AHRR: variants seen among roughly 807,000 people sequenced by gnomAD.
AHRR encodes the protein ahR repressor.
Under a neutral mutation model 44.0 loss-of-function variants are expected in AHRR, and 28 were observed. That is an observed-to-expected ratio of 0.64 (90% CI 0.47 to 0.87). AHRR has a LOEUF of 0.87. Ranked by LOEUF, AHRR falls within the 40% of genes least tolerant of loss-of-function variation. The probability of loss-of-function intolerance (pLI) is 0.00; values close to 1 mark genes in which losing one functional copy is unlikely to be tolerated. For missense variants in AHRR, 990 were observed against 953.9 expected, an observed-to-expected ratio of 1.04 and a Z score of -0.50; for synonymous variants, 434 against 407.0, an observed-to-expected ratio of 1.07 and a Z score of -0.80.
chr5:344,438 G>T (rs1742502428), intron 2 of AHRR, among the ~76,000 whole-genome samples: 1 of 31,036 alleles, frequency 3.2e-5, no homozygotes, highest in South Asian at 1.2e-3. Flanking sequence ...TGAGGCTGTG[G>T]GGGGCTGTGT....
chr5:355,864 G>A (rs1019080153), intron 3 of AHRR, among the ~76,000 whole-genome samples: 1 of 152,230 alleles, frequency 6.6e-6, no homozygotes, highest in African/African-American at 2.4e-5. Context: ...TAAACTTCCT[G>A]ATTTTTCTAC....
intron 4 of AHRR, among the ~76,000 whole-genome samples, chr5:378,534 G>A (rs925274584): frequency 6.6e-6 from 1 of 152,378 alleles, no homozygotes; most frequent in East Asian, 1.9e-4. Context: ...TCACTGGCTT[G>A]TCCTCCAAGC....
chr5:433,844 T>C lies in AHRR; in HGVS notation c.1113-9T>C. On this transcript the variant is annotated splice_polypyrimidine_tract_variant and intron_variant, in intron 10 of 10. Transcript: ENST00000684583. The stretch of plus-strand genomic sequence containing the variant: ...CTGCTGTCAAATGGGCCCCGTCTTT[T>C]CTCTGCAGGGACAGGGAGGAGGAGC... 1 of 1,484,710 alleles carries C rather than the reference T, an allele frequency of 6.7e-7. No individual in the cohort carries two copies. The highest frequency in any genetic ancestry group is 1.4e-5 in the South Asian group (1 of 70,746). The allele number at this position is 1,484,710 out of a possible 1,614,324, so 92.0% of individuals were successfully genotyped here. A position where few individuals can be genotyped will look rare whatever the true frequency, so the allele number is the denominator to read the frequency against.
In AHRR at chr5:433,996, G is replaced by C; in HGVS notation, c.1256G>C (p.Ser419Thr). 6.3e-7 allele frequency: 1 copy of C among 1,575,790 alleles called. No individual in the cohort carries two copies. The highest frequency in any genetic ancestry group is 1.2e-5 in the South Asian group (1 of 83,444). The change falls in exon 11 of 11, where the codon AGC becomes ACC. Residue 419 changes from serine (S) to threonine (T), a missense_variant. Physicochemically the swap from Ser to Thr is moderately conservative, Grantham distance 58. Transcript: ENST00000684583. ...EDGARPRLQP[S>T]KNDPPSLRPM... Reference sequence around the variant, plus strand: ...GGTGCCAGGCCGAGGCTGCAGCCCAGCAAGAATGACCCGCCCTCCCTGCGC... The same window carrying C: ...GGTGCCAGGCCGAGGCTGCAGCCCACCAAGAATGACCCGCCCTCCCTGCGC...
chr5:420,959 C>T (rs1250684214), intron 5 of AHRR: 4 of 227,622 alleles, frequency 1.8e-5, no homozygotes, highest in Non-Finnish European at 3.2e-5. Flanking sequence ...CGCACATACG[C>T]TGGCACCGCT....
At chr5:427,530 G>A in intron 7 of AHRR, 1 of 1,350,972 alleles carries the variant, frequency 7.4e-7, no homozygotes, top group Non-Finnish European at 1.0e-6. Context: ...ACATGAACAG[G>A]CACACACGCG....
At chr5:345,746 C>T (rs745934034) in intron 2 of AHRR, among the ~76,000 whole-genome samples, 1 of 152,050 alleles carries the variant, frequency 6.6e-6, no homozygotes, top group Non-Finnish European at 1.5e-5. Flanking sequence ...GTGTCAAATG[C>T]TTGGCCTTAG....
chr5:354,592 C>T (rs370483473), intron 3 of AHRR, among the ~76,000 whole-genome samples: 5 of 152,326 alleles, frequency 3.3e-5, no homozygotes, highest in Admixed American at 1.3e-4. Context: ...CCAGAGAACT[C>T]GCAGGTGTAG....
chr5:349,478 G>A (rs1298979553), intron 2 of AHRR, among the ~76,000 whole-genome samples: 2 of 151,946 alleles, frequency 1.3e-5, no homozygotes, highest in African/African-American at 2.4e-5. Flanking sequence ...TACTCGGGAG[G>A]CTGAGGCAGG....
In AHRR at chr5:419,551, G is replaced by A. The variant is rs1490172240; in HGVS notation, c.442-3178G>A. Among the ~76,000 whole-genome samples the A allele has an allele frequency of 6.6e-6, 1 of 152,160 alleles. No individual in the cohort carries two copies. Among genetic ancestry groups the A allele is most frequent in the Non-Finnish European group, 1.5e-5 (1 of 68,032 alleles). ...GTAAGGGGAATGTTGCTTGCCTCTG[G>A]ATGCTGGTTCCTCTGCGTTTCACTT... On this transcript the variant is annotated intron_variant, in intron 5 of 10. Transcript: ENST00000684583. This position sits in a 1 kb window ranked among gnomAD's most constrained non-coding sequence, Gnocchi z 4.4.
chr5:388,710 G>A lies in AHRR; in HGVS notation c.351+11994G>A, dbSNP rs1452976700. 2.6e-5 allele frequency among the ~76,000 whole-genome samples: 4 copies of A among 152,128 alleles called. No individual in the cohort carries two copies. Among genetic ancestry groups the A allele is most frequent in the Non-Finnish European group, 2.9e-5 (2 of 68,010 alleles). On this transcript the variant is annotated intron_variant, in intron 4 of 10. Transcript: ENST00000684583. The surrounding 1 kb of genome is among the most constrained non-coding windows in gnomAD (Gnocchi z 5.2). ...GCACCGTCCTCCCATTGGCCAGGAC[G>A]AGGACTAAGCTGTGACCCCTCTGGG... is the stretch of plus-strand genomic sequence containing the variant.
chr5:349,962 C>G lies in AHRR; in HGVS notation c.63-3768C>G, dbSNP rs148387260. On this transcript the variant is annotated intron_variant, in intron 2 of 10. Transcript: ENST00000684583. ...AGTGTGTCTATTTCTAGACTCACAC[C>G]ATTCTTTTCTATTCATTTATACTTC... Among the ~76,000 whole-genome samples the G allele has an allele frequency of 2.9e-3, 434 of 152,224 alleles. 2 individuals are homozygous for G. The highest frequency in any genetic ancestry group is 9.9e-3 in the African/African-American group (413 of 41,532).
intron 4 of AHRR, among the ~76,000 whole-genome samples, chr5:394,765 G>C (rs557421693): frequency 3.3e-5 from 5 of 152,378 alleles, no homozygotes; most frequent in Middle Eastern, 3.4e-3. Flanking sequence ...GGACAGGGCT[G>C]GCCCTGGTTG....
rs1734681122 is a variant in AHRR at position 395,884 on chromosome 5, C to T, written c.352-17460C>T. Among the ~76,000 whole-genome samples, 2 of 152,216 alleles carry T rather than the reference C, an allele frequency of 1.3e-5. No homozygotes were observed. Among genetic ancestry groups the T allele is most frequent in the Admixed American group, 6.5e-5 (1 of 15,284 alleles). The stretch of plus-strand genomic sequence containing the variant: ...AGCAAAAGGGATGAGCGTCCCCTTC[C>T]TCCAGCTTCCTCCATGCAGTGATGT... On this transcript the variant is annotated intron_variant, in intron 4 of 10. Transcript: ENST00000684583. This position sits in a 1 kb window ranked among gnomAD's most constrained non-coding sequence, Gnocchi z 5.3.
At chr5:349,963 A>C (rs545968341) in intron 2 of AHRR, among the ~76,000 whole-genome samples, 79 of 152,360 alleles carry the variant, frequency 5.2e-4, no homozygotes, top group Admixed American at 1.8e-3. Flanking sequence ...GACTCACACC[A>C]TTCTTTTCTA....
chr5:401,776 A>C (rs959139691), intron 4 of AHRR, among the ~76,000 whole-genome samples: 1 of 152,238 alleles, frequency 6.6e-6, no homozygotes, highest in Non-Finnish European at 1.5e-5. Context: ...AAGTGATTTC[A>C]GCCTGAGCTA....
At chr5:367,776 T>C (rs1340271889) in intron 3 of AHRR, 1 of 695,968 alleles carries the variant, frequency 1.4e-6, no homozygotes, top group South Asian at 1.5e-5. Flanking sequence ...GTTGCTGGGT[T>C]CTGTCCCCCT....
At position 387,718 on chromosome 5, in the gene AHRR, A is replaced by C. The variant is rs191262770; in HGVS notation, c.351+11002A>C. ...TGGTGGTGGACGCTCGTGTTTTCTG[A>C]GTGTGATCGTGTGTCCATACGCTGT... On this transcript the variant is annotated intron_variant, in intron 4 of 10. Transcript: ENST00000684583. The surrounding 1 kb of genome is among the most constrained non-coding windows in gnomAD (Gnocchi z 5.1). Among the ~76,000 whole-genome samples, 4 of 152,220 alleles carry C rather than the reference A, an allele frequency of 2.6e-5. No individual in the cohort carries two copies. The highest frequency in any genetic ancestry group is 2.6e-4 in the Admixed American group (4 of 15,302).
At chr5:432,240 G>A (rs1054388501) in intron 8 of AHRR, 1 of 519,382 alleles carries the variant, frequency 1.9e-6, no homozygotes, top group East Asian at 3.4e-5. Context: ...CCCTTCATTG[G>A]CCTGAAAAGT....
Sources: allele counts gnomAD v4.1 joint callset (sites outside exome capture counted in the v4.1 genomes callset), GRCh38; gene constraint gnomAD v4.1.1; non-coding constraint Gnocchi (gnomAD v3.1); transcripts MANE v1.5; gene names NCBI Gene and HGNC (gene_info 2026-07-23, HGNC 2026-07-21).